DNAJC3: variants seen among roughly 807,000 people sequenced by gnomAD.
DNAJC3 encodes DnaJ heat shock protein family (Hsp40) member C3.
A neutral mutation model predicts 68.6 loss-of-function variants in DNAJC3; 38 were observed. The observed-to-expected ratio is 0.55, with a 90% CI of 0.43 to 0.73. The LOEUF is 0.73. DNAJC3 is among the 30% of genes least tolerant of loss of function. DNAJC3 has a pLI of 0.00. For synonymous variants in DNAJC3, 203 were observed against 204.0 expected (o/e 1.00, Z 0.04); for missense variants, 526 against 591.9 (o/e 0.89, Z 1.16).
At chr13:95,684,166 T>C (rs187107705) in intron 1 of DNAJC3, among the ~76,000 whole-genome samples, 4 of 152,260 alleles carry the variant, frequency 2.6e-5, no homozygotes, top group Admixed American at 2.6e-4. Context: ...ACTTGTTGAA[T>C]GGTTGTGACC....
At chr13:95,740,587 G>A (rs1393428299) in intron 4 of DNAJC3, among the ~76,000 whole-genome samples, 1 of 152,122 alleles carries the variant, frequency 6.6e-6, no homozygotes, top group Non-Finnish European at 1.5e-5. Flanking sequence ...GGTGCTGTCC[G>A]TCACCCCTTT....
At chr13:95,755,602 C>T (rs887253534) in intron 4 of DNAJC3, among the ~76,000 whole-genome samples, 3 of 150,716 alleles carry the variant, frequency 2.0e-5, no homozygotes, top group Non-Finnish European at 3.0e-5. Flanking sequence ...ACTAAAAATA[C>T]AAAAATTAGC....
intron 4 of DNAJC3, among the ~76,000 whole-genome samples, chr13:95,741,577 G>C (rs1169359136): frequency 6.6e-6 from 1 of 152,214 alleles, no homozygotes; most frequent in Non-Finnish European, 1.5e-5. Flanking sequence ...GGGAATGGCA[G>C]CAGTGGATTG....
At chr13:95,705,946 C>T (rs1294491996) in intron 1 of DNAJC3, among the ~76,000 whole-genome samples, 1 of 152,144 alleles carries the variant, frequency 6.6e-6, no homozygotes, top group Non-Finnish European at 1.5e-5. Context: ...CCAGTCCAAC[C>T]TTCCTATCTC....
chr13:95,788,254 A>G (rs1883661714), intron 11 of DNAJC3, among the ~76,000 whole-genome samples: 2 of 152,352 alleles, frequency 1.3e-5, no homozygotes, highest in South Asian at 2.1e-4. Context: ...AGTGGCTACA[A>G]CCTGCCTTAA....
intron 11 of DNAJC3, 120 bp downstream of exon 11, chr13:95,787,275 C>G (rs1411228688): frequency 9.5e-6 from 12 of 1,265,380 alleles, no homozygotes; most frequent in Non-Finnish European, 8.7e-6. Flanking sequence ...GAGCCCAGTT[C>G]CAGAGGTCCA....
intron 1 of DNAJC3, among the ~76,000 whole-genome samples, chr13:95,690,876 C>G (rs1259506854): frequency 7.7e-6 from 1 of 130,502 alleles, no homozygotes; most frequent in Non-Finnish European, 1.7e-5. Context: ...CGGGCAGAGG[C>G]GCCCCTCACT....
chr13:95,714,215 A>C (rs1028287097), intron 2 of DNAJC3, among the ~76,000 whole-genome samples: 5 of 152,178 alleles, frequency 3.3e-5, no homozygotes, highest in Admixed American at 6.5e-5. Flanking sequence ...TGTGTCACCC[A>C]TGGGAATTTT....
At chr13:95,766,424 T>C (rs1882994798) in intron 9 of DNAJC3, among the ~76,000 whole-genome samples, 1 of 152,152 alleles carries the variant, frequency 6.6e-6, no homozygotes, top group Non-Finnish European at 1.5e-5. Flanking sequence ...AAAACTGACA[T>C]TGAAGCAGTA....
At chr13:95,680,055 A>G (rs1159693378) in intron 1 of DNAJC3, among the ~76,000 whole-genome samples, 2 of 152,218 alleles carry the variant, frequency 1.3e-5, no homozygotes, top group Non-Finnish European at 2.9e-5. Flanking sequence ...GAAAGAGTGA[A>G]GTCTAAAGCA....
intron 9 of DNAJC3, among the ~76,000 whole-genome samples, chr13:95,770,640 G>C (rs1883132556): frequency 6.6e-6 from 1 of 152,148 alleles, no homozygotes; most frequent in Non-Finnish European, 1.5e-5. Context: ...TCTCTTCATT[G>C]TTTAAATCGG....
intron 4 of DNAJC3, among the ~76,000 whole-genome samples, chr13:95,740,065 C>G (rs1593994299): frequency 6.6e-6 from 1 of 151,974 alleles, no homozygotes; most frequent in East Asian, 1.9e-4. Flanking sequence ...GTTGGAATAC[C>G]CTGCCGTGTG....
At chr13:95,708,228 A>G (rs1240047923) in intron 1 of DNAJC3, among the ~76,000 whole-genome samples, 2 of 152,156 alleles carry the variant, frequency 1.3e-5, no homozygotes, top group East Asian at 3.8e-4. Flanking sequence ...ATAACATTGT[A>G]CTCACTGTAA....
chr13:95,768,627 C>G (rs564694936), intron 9 of DNAJC3, among the ~76,000 whole-genome samples: 2 of 152,102 alleles, frequency 1.3e-5, no homozygotes, highest in African/African-American at 4.8e-5. Flanking sequence ...TCCTGGGACT[C>G]CACCCTGTTA....
chr13:95,740,475 T>C lies in DNAJC3; in HGVS notation c.393+15223T>C, dbSNP rs576382827. The stretch of plus-strand genomic sequence containing the variant: ...AGCAATCAGCGAGACTCCGTGGGCG[T>C]AGGACCCTCCGAGCCAGGTGCCGGA... On this transcript the variant is annotated intron_variant, in intron 4 of 11. Coordinates refer to ENST00000602402, the MANE Select transcript of DNAJC3 (RefSeq NM_006260.5). 9.7e-4 allele frequency among the ~76,000 whole-genome samples: 147 copies of C among 152,278 alleles called. 1 individual carries two copies. The highest frequency in any genetic ancestry group is 7.9e-4 in the Non-Finnish European group (54 of 68,012).
chr13:95,753,063 T>G (rs1446380143), intron 4 of DNAJC3, among the ~76,000 whole-genome samples: 2 of 152,202 alleles, frequency 1.3e-5, no homozygotes, highest in African/African-American at 4.8e-5. Flanking sequence ...ATCCAACTAT[T>G]TCTTTTCCAT....
chr13:95,787,158 A>G lies in DNAJC3; in HGVS notation c.1357+3A>G. 1 of 1,608,020 alleles carries G rather than the reference A, an allele frequency of 6.2e-7. No individual in the cohort carries two copies. Among genetic ancestry groups the G allele is most frequent in the Non-Finnish European group, 8.5e-7 (1 of 1,178,434 alleles). ...TAAAGAAGTCCTCTCTGATCCAGGT[A>G]TTATTAGCTTTTATTCCTTTGACTC... On this transcript the variant is annotated splice_donor_region_variant and intron_variant, in intron 11 of 11. Coordinates refer to ENST00000602402, the MANE Select transcript of DNAJC3 (RefSeq NM_006260.5).
At chr13:95,754,207 C>T (rs925070801) in intron 4 of DNAJC3, among the ~76,000 whole-genome samples, 2 of 152,198 alleles carry the variant, frequency 1.3e-5, no homozygotes, top group Non-Finnish European at 2.9e-5. Context: ...GGCCAGTAAA[C>T]GATCCGCCCC....
At chr13:95,740,987 C>T (rs780045073) in intron 4 of DNAJC3, among the ~76,000 whole-genome samples, 5 of 152,038 alleles carry the variant, frequency 3.3e-5, no homozygotes, top group Non-Finnish European at 7.4e-5. Context: ...TATTGTCTAT[C>T]TCTGTTCTCT....
Sources: gnomAD v4.1 joint callset for allele counts (sites outside exome capture counted in the v4.1 genomes callset) on GRCh38, gnomAD v4.1.1 for gene constraint, MANE v1.5 for transcripts, NCBI Gene and HGNC (gene_info 2026-07-23, HGNC 2026-07-21) for gene names.